CCDC150: variants seen among roughly 807,000 people sequenced by gnomAD.
CCDC150 encodes the protein coiled-coil domain containing 150.
Under a neutral mutation model 156.5 loss-of-function variants are expected in CCDC150, and 151 were observed. The observed-to-expected ratio is 0.97, with a 90% confidence interval of 0.85 to 1.10. The LOEUF is 1.10. Among genes scored for constraint, CCDC150 ranks in the 50% least tolerant of loss-of-function variants. The pLI is 0.00. For synonymous variants in CCDC150, 452 were observed against 429.4 expected, an observed-to-expected ratio of 1.05 and a Z score of -0.65; for missense variants, 1,312 against 1,268.1, an observed-to-expected ratio of 1.03 and a Z score of -0.53.
At chr2:196,731,008 A>G in intron 26 of CCDC150, 63 bp downstream of exon 26, 1 of 1,222,002 alleles carries the variant, frequency 8.2e-7, no homozygotes, top group South Asian at 1.4e-5. Flanking sequence ...CCCTGAAGCA[A>G]CCCAAGTCAA....
intron 13 of CCDC150, among the ~76,000 whole-genome samples, chr2:196,682,183 A>G (rs541897012): frequency 6.6e-6 from 1 of 152,178 alleles, no homozygotes; most frequent in East Asian, 1.9e-4. Context: ...CAGATATACA[A>G]TTGTCCGAGT....
At chr2:196,668,295 T>TAAAA (rs55945331) in intron 7 of CCDC150, among the ~76,000 whole-genome samples, 28 of 92,222 alleles carry the variant, frequency 3.0e-4, no homozygotes, top group Middle Eastern at 6.3e-3. Context: ...AAACTCCATC[T>TAAAA]AAAAAAAAAA....
At chr2:196,692,208 C>T (rs975758057) in intron 13 of CCDC150, among the ~76,000 whole-genome samples, 3 of 145,276 alleles carry the variant, frequency 2.1e-5, no homozygotes, top group African/African-American at 7.6e-5. Flanking sequence ...AATCTCGGCT[C>T]ACTGCAAGCT....
At chr2:196,677,162 C>T (rs1380210353) in intron 12 of CCDC150, 131 bp from the exon 13 acceptor site, 4 of 736,572 alleles carry the variant, frequency 5.4e-6, no homozygotes, top group Non-Finnish European at 9.9e-6. Flanking sequence ...TGATTGGCCC[C>T]TTTTCTGAGA....
intron 10 of CCDC150, 45 bp downstream of exon 10, chr2:196,674,393 A>G (rs1694373585): frequency 8.5e-7 from 1 of 1,182,156 alleles, no homozygotes; most frequent in African/African-American, 1.5e-5. Context: ...AGCCTGGTTG[A>G]TAGATCAGGA....
intron 24 of CCDC150, 22 bp from the exon 25 acceptor site, chr2:196,729,933 GTC>G: frequency 1.2e-6 from 2 of 1,609,316 alleles, no homozygotes; most frequent in Non-Finnish European, 1.7e-6. Context: ...TTCACCAAAT[GTC>G]TCTGTCTTTG....
At chr2:196,712,441 A>G (rs573057749) in intron 16 of CCDC150, 189 bp downstream of exon 16, 5 of 571,610 alleles carry the variant, frequency 8.7e-6, no homozygotes, top group Non-Finnish European at 1.6e-5. Flanking sequence ...GAAATTGTAA[A>G]GATACCTGAA....
Position 196,676,688 on chromosome 2 carries a change from A to T in CCDC150, c.1397A>T (p.Glu466Val), listed in dbSNP as rs1220849618. 6.2e-7 allele frequency: 1 copy of T among 1,613,300 alleles called. No individual in the cohort carries two copies. Among genetic ancestry groups the T allele is most frequent in the Admixed American group, 1.7e-5 (1 of 60,010 alleles). The change falls in exon 12 of 28, where the codon GAG (glutamate) becomes GTG (valine). Residue 466 changes from glutamate to valine, a missense_variant. Transcript: ENST00000389175. Reference sequence around the variant, plus strand: ...GGTGAATTGGAAGCATCAATGCAAGAGAAGAAGTCTCTGCTAGAGGAGAAA... The same window carrying T: ...GGTGAATTGGAAGCATCAATGCAAGTGAAGAAGTCTCTGCTAGAGGAGAAA... The part of the protein sequence containing the change: ...LRGELEASMQ[E>V]KKSLLEEKER...
intron 8 of CCDC150, among the ~76,000 whole-genome samples, chr2:196,670,845 C>CA (rs750733121): frequency 2.0e-5 from 3 of 152,000 alleles, no homozygotes; most frequent in Admixed American, 6.6e-5. Context: ...AAACAGTTTT[C>CA]AAAAAATAGG....
intron 13 of CCDC150, among the ~76,000 whole-genome samples, chr2:196,691,671 G>A (rs1695485074): frequency 6.6e-6 from 1 of 151,818 alleles, no homozygotes; most frequent in African/African-American, 2.4e-5. Context: ...GGCTGGACAC[G>A]GTGGCTCACG....
At chr2:196,712,439 A>G (rs1697192868) in intron 16 of CCDC150, 187 bp downstream of exon 16, 3 of 571,474 alleles carry the variant, frequency 5.2e-6, no homozygotes, top group Admixed American at 3.2e-5. Flanking sequence ...CAGAAATTGT[A>G]AAGATACCTG....
chr2:196,679,212 A>G (rs1559236862), intron 13 of CCDC150, among the ~76,000 whole-genome samples: 1 of 152,162 alleles, frequency 6.6e-6, no homozygotes, highest in Non-Finnish European at 1.5e-5. Context: ...TTTAGTGTAT[A>G]GTTCTATGAA....
At chr2:196,688,428 C>G (rs954959008) in intron 13 of CCDC150, among the ~76,000 whole-genome samples, 6 of 152,034 alleles carry the variant, frequency 3.9e-5, no homozygotes, top group African/African-American at 1.2e-4. Context: ...GGAATGCTAA[C>G]GATCTTTGCA....
chr2:196,720,941 G>A (rs1294425052), intron 20 of CCDC150, among the ~76,000 whole-genome samples: 1 of 152,058 alleles, frequency 6.6e-6, no homozygotes, highest in African/African-American at 2.4e-5. Flanking sequence ...CACAAAAAAT[G>A]TCAGAAGTTA....
chr2:196,676,436 G>A, intron 11 of CCDC150, 118 bp from the exon 12 acceptor site: 1 of 1,305,488 alleles, frequency 7.7e-7, no homozygotes, highest in East Asian at 2.3e-5. Context: ...AGTTTTGTTA[G>A]AACATTTTGG....
In CCDC150 at chr2:196,729,284, A is replaced by C; in HGVS notation, c.2648A>C (p.Lys883Thr). Residue 883 changes from lysine (K) to threonine (T), a missense_variant, in exon 23 of 28, where the codon AAA becomes ACA. By Grantham distance (78) the Lys-to-Thr change is moderately conservative. Coordinates refer to ENST00000389175, the MANE Select transcript of CCDC150 (RefSeq NM_001080539.2). Reference protein sequence around the residue: ...ELRQKLAELEKILESNKEKIK... With the variant: ...ELRQKLAELETILESNKEKIK... ...CGACAGAAACTTGCAGAGCTAGAAA[A>C]AATACTAGAAAGTAACAAGGAGAAA... 6.2e-7 allele frequency: 1 copy of C among 1,613,920 alleles called. No individual in the cohort carries two copies. Among genetic ancestry groups the C allele is most frequent in the Non-Finnish European group, 8.5e-7 (1 of 1,179,860 alleles).
At chr2:196,666,238 A>T (rs1407540864) in intron 6 of CCDC150, among the ~76,000 whole-genome samples, 2 of 152,326 alleles carry the variant, frequency 1.3e-5, no homozygotes, top group Admixed American at 1.3e-4. Flanking sequence ...GAATACTTTA[A>T]ATTCTAACCA....
Position 196,732,453 on chromosome 2 carries a change from A to G in CCDC150, c.3197A>G (p.Asp1066Gly). Reference protein sequence around the residue: ...GEDRWQEKDQDVKHDVMSNQS... With the variant: ...GEDRWQEKDQGVKHDVMSNQS... ...GTGTTTTCTTTCCAACAGGACCAAG[A>G]TGTAAAACATGATGTCATGTCCAAC... Residue 1066 changes from aspartate (D) to glycine (G), a missense_variant, in exon 28 of 28, where the codon GAT becomes GGT. Transcript: ENST00000389175. 1 of 1,611,884 alleles carries G rather than the reference A, an allele frequency of 6.2e-7. No individual in the cohort carries two copies. Among genetic ancestry groups the G allele is most frequent in the Non-Finnish European group, 8.5e-7 (1 of 1,178,220 alleles).
intron 5 of CCDC150, among the ~76,000 whole-genome samples, chr2:196,663,240 A>G (rs1212637963): frequency 6.6e-6 from 1 of 152,102 alleles, no homozygotes; most frequent in African/African-American, 2.4e-5. Flanking sequence ...CCCAGTCTCA[A>G]AAACAAAAAC....
Sources: allele counts gnomAD v4.1 joint callset (sites outside exome capture counted in the v4.1 genomes callset), GRCh38; gene constraint gnomAD v4.1.1; transcripts MANE v1.5; gene names NCBI Gene and HGNC (gene_info 2026-07-23, HGNC 2026-07-21).